RPGRIP1L: variants seen among roughly 807,000 people sequenced by gnomAD.
RPGRIP1L encodes the protein protein fantom.
A neutral mutation model predicts 160.4 loss-of-function variants in RPGRIP1L; 131 were observed. The observed-to-expected ratio is 0.82, with a 90% CI of 0.71 to 0.94. The LOEUF (loss-of-function observed/expected upper bound fraction) is 0.94. Among genes scored for constraint, RPGRIP1L ranks in the 40% least tolerant of loss-of-function variants. The pLI is 0.00. For missense variants in RPGRIP1L, 1,522 were observed against 1,535.8 expected (o/e 0.99, Z 0.15); for synonymous variants, 510 against 515.8 (o/e 0.99, Z 0.15).
chr16:53,626,623 G>A (rs2150993586), intron 22 of RPGRIP1L, among the ~76,000 whole-genome samples: 1 of 152,100 alleles, frequency 6.6e-6, no homozygotes, highest in East Asian at 1.9e-4. Context: ...TGGCCAACAT[G>A]GTGAAACCCC....
chr16:53,642,651 A>G (rs1567826505), intron 17 of RPGRIP1L, among the ~76,000 whole-genome samples: 2 of 152,326 alleles, frequency 1.3e-5, no homozygotes, highest in East Asian at 3.9e-4. Context: ...GGATAAATTG[A>G]GAAGCATTTA....
chr16:53,599,169 T>G lies in RPGRIP1L; in HGVS notation c.*2907A>C, dbSNP rs6499632. On this transcript the variant is annotated 3_prime_UTR_variant, in exon 27 of 27. Transcript: ENST00000647211. ...TCACATGACCACTTCTCAGCCCACA[T>G]GTCTTCATAACACATAGAAATTATT... is the stretch of plus-strand genomic sequence containing the variant. The G allele has an allele frequency of 6.6e-6, 1 of 152,010 alleles. No individual in the cohort carries two copies. Among genetic ancestry groups the G allele is most frequent in the South Asian group, 2.1e-4 (1 of 4,822 alleles). The allele number at this position is 152,010 out of a possible 1,614,324, so 9.4% of individuals were successfully genotyped here. A position where few individuals can be genotyped will look rare whatever the true frequency, so the allele number is the denominator to read the frequency against.
intron 25 of RPGRIP1L, 75 bp from the exon 26 acceptor site, chr16:53,605,689 G>T (rs1963638923): frequency 2.1e-6 from 3 of 1,447,684 alleles, no homozygotes; most frequent in South Asian, 2.3e-5. Flanking sequence ...CCCAAATGGG[G>T]TGTTATCACT....
At chr16:53,692,644 C>T (rs909748293) in intron 3 of RPGRIP1L, among the ~76,000 whole-genome samples, 5 of 152,174 alleles carry the variant, frequency 3.3e-5, no homozygotes, top group African/African-American at 1.2e-4. Context: ...GTTCCTGAAA[C>T]GCAATTTTTA....
Position 53,605,618 on chromosome 16 carries a change from G to A in RPGRIP1L, c.3702-4C>T. On this transcript the variant is annotated splice_region_variant and splice_polypyrimidine_tract_variant and intron_variant, in intron 25 of 26. Transcript: ENST00000647211. Reference sequence around the variant, plus strand: ...ACTGACCACGGTGAAGCGAAGGCTGGTAAGGCAGAGATCAGAGAAAGTCAC... The same window carrying A: ...ACTGACCACGGTGAAGCGAAGGCTGATAAGGCAGAGATCAGAGAAAGTCAC... 1 of 1,613,864 alleles carries A rather than the reference G, an allele frequency of 6.2e-7. No individual in the cohort carries two copies. The highest frequency in any genetic ancestry group is 8.5e-7 in the Non-Finnish European group (1 of 1,180,002).
Position 53,686,500 on chromosome 16 carries a change from TC to T in RPGRIP1L, c.708del (p.Arg237GlyfsTer30). The T allele has an allele frequency of 6.2e-7, 1 of 1,613,704 alleles. No homozygotes were observed. Among genetic ancestry groups the T allele is most frequent in the Non-Finnish European group, 8.5e-7 (1 of 1,179,728 alleles). Reference protein sequence around the residue: ...EHLAEILKTQLRRKENEIELS... With the variant: ...EHLAEILKTQXRRKENEIELS... The stretch of plus-strand genomic sequence containing the variant: ...AACTCAATTTCATTTTCTTTTCTCC[TC>T]AACTGAGTTTTCAGGATCTCAGCCA... On this transcript the variant is annotated frameshift_variant, in exon 6 of 27. Coordinates refer to ENST00000647211, the MANE Select transcript of RPGRIP1L (RefSeq NM_015272.5). LOFTEE classifies it high-confidence loss of function.
chr16:53,658,621 A>G (rs1176558710), intron 11 of RPGRIP1L, 151 bp downstream of exon 11: 12 of 833,522 alleles, frequency 1.4e-5, no homozygotes, highest in Non-Finnish European at 1.8e-5. Flanking sequence ...AAATGTCCCT[A>G]TGGAACATAA....
chr16:53,657,986 T>C (rs1967413435), intron 12 of RPGRIP1L, among the ~76,000 whole-genome samples: 1 of 152,172 alleles, frequency 6.6e-6, no homozygotes, highest in South Asian at 2.1e-4. Flanking sequence ...TTGTGTCTTA[T>C]AAATAACAGA....
In RPGRIP1L at chr16:53,600,473, G is replaced by C. The variant is rs1049864293; in HGVS notation, c.*1603C>G. Reference sequence around the variant, plus strand: ...TCGGAGATGGCAGGCCCCAGGACAGGGAGGCCCAGTGGTATAGACAGAATT... The same window carrying C: ...TCGGAGATGGCAGGCCCCAGGACAGCGAGGCCCAGTGGTATAGACAGAATT... On this transcript the variant is annotated 3_prime_UTR_variant, in exon 27 of 27. Coordinates refer to ENST00000647211, the MANE Select transcript of RPGRIP1L (RefSeq NM_015272.5). 6.6e-6 allele frequency: 1 copy of C among 152,572 alleles called. No homozygotes were observed. Among genetic ancestry groups the C allele is most frequent in the South Asian group, 2.1e-4 (1 of 4,820 alleles). The allele number at this position is 152,572 out of a possible 1,614,324, so 9.5% of individuals were successfully genotyped here. A position where few individuals can be genotyped will look rare whatever the true frequency, so the allele number is the denominator to read the frequency against.
rs749664648 is a variant in RPGRIP1L, at chr16:53,605,552, A to G, written c.3764T>C (p.Ile1255Thr). 14 of 1,614,030 alleles carry G rather than the reference A, an allele frequency of 8.7e-6. No homozygotes were observed. The highest frequency in any genetic ancestry group is 6.7e-5 in the East Asian group (3 of 44,888). ...EDEQDLECED[I>T]GVAHVDLADM... ...GGCAAGGTCGACGTGAGCCACGCCA[A>G]TGTCCTCACACTCCAGGTCCTGCTC... Residue 1255 changes from isoleucine to threonine, a missense_variant, in exon 26 of 27, where the codon ATT becomes ACT. Coordinates refer to ENST00000647211, the MANE Select transcript of RPGRIP1L (RefSeq NM_015272.5).
chr16:53,677,744 A>G (rs1268632944), intron 6 of RPGRIP1L, among the ~76,000 whole-genome samples: 2 of 152,214 alleles, frequency 1.3e-5, no homozygotes, highest in African/African-American at 2.4e-5. Flanking sequence ...CTAAGTGACC[A>G]GTCCTAGACC....
chr16:53,669,576 T>C (rs1032497405), intron 9 of RPGRIP1L, among the ~76,000 whole-genome samples: 2 of 152,276 alleles, frequency 1.3e-5, no homozygotes, highest in Admixed American at 1.3e-4. Context: ...ATTTCGTTTA[T>C]ACATTATTCC....
rs117772514 is a variant in RPGRIP1L at position 53,606,007 on chromosome 16, A to T, written c.3702-393T>A. 3.9e-3 allele frequency among the ~76,000 whole-genome samples: 587 copies of T among 152,306 alleles called. 1 individual carries two copies. The highest frequency in any genetic ancestry group is 6.5e-3 in the Non-Finnish European group (444 of 68,014). On this transcript the variant is annotated intron_variant, in intron 25 of 26. Transcript: ENST00000647211. Reference sequence around the variant, plus strand: ...TAAATGGTCAGCATTTTCCATAGAAACGTAACATTTCCTATAGAAACACAC... The same window carrying T: ...TAAATGGTCAGCATTTTCCATAGAATCGTAACATTTCCTATAGAAACACAC...
At chr16:53,624,027 G>C (rs1964910099) in intron 22 of RPGRIP1L, among the ~76,000 whole-genome samples, 1 of 152,136 alleles carries the variant, frequency 6.6e-6, no homozygotes, top group Non-Finnish European at 1.5e-5. Flanking sequence ...GAGTAGCTGG[G>C]ACTAGAGGAG....
chr16:53,651,246 T>C (rs1416455369), intron 15 of RPGRIP1L, among the ~76,000 whole-genome samples: 1 of 152,238 alleles, frequency 6.6e-6, no homozygotes, highest in African/African-American at 2.4e-5. Flanking sequence ...ATTCAAGTGA[T>C]AAGCAAGTCT....
At position 53,657,563 on chromosome 16, in the gene RPGRIP1L, G is replaced by C. The variant is rs1241751719; in HGVS notation, c.1471C>G (p.Leu491Val). Reference sequence around the variant, plus strand: ...TGCAGCTCTCTCATAGAGCGTTCTAGATCTTTATTAATTTCACTATCTACT... The same window carrying C: ...TGCAGCTCTCTCATAGAGCGTTCTACATCTTTATTAATTTCACTATCTACT... ...VKVDSEINKD[L>V]ERSMRELQAT... The change falls in exon 13 of 27, where the codon CTA (leucine) becomes GTA (valine). Residue 491 changes from leucine to valine, a missense_variant. Transcript: ENST00000647211. 6.2e-7 allele frequency: 1 copy of C among 1,604,064 alleles called. No homozygotes were observed. Among genetic ancestry groups the C allele is most frequent in the South Asian group, 1.1e-5 (1 of 90,288 alleles).
intron 22 of RPGRIP1L, among the ~76,000 whole-genome samples, chr16:53,631,042 A>G (rs1048083547): frequency 6.6e-6 from 1 of 152,156 alleles, no homozygotes; most frequent in African/African-American, 2.4e-5. Context: ...CAAGTAAAAT[A>G]TATTTTAAAA....
At chr16:53,698,576 G>A (rs1971068469) in intron 2 of RPGRIP1L, among the ~76,000 whole-genome samples, 2 of 144,422 alleles carry the variant, frequency 1.4e-5, no homozygotes, top group Admixed American at 6.7e-5. Context: ...CAGCCGCCTC[G>A]TCCAGGAGGT....
At chr16:53,694,125 T>C (rs1970575799) in intron 3 of RPGRIP1L, 1 of 152,160 alleles carries the variant, frequency 6.6e-6, no homozygotes, top group African/African-American at 2.4e-5. Context: ...TGGCAAAGTC[T>C]GAGTGCTTAT....
Sources: allele counts gnomAD v4.1 joint callset (sites outside exome capture counted in the v4.1 genomes callset), GRCh38; gene constraint gnomAD v4.1.1; transcripts MANE v1.5; gene names NCBI Gene and HGNC (gene_info 2026-07-23, HGNC 2026-07-21).